The following PHF21A variants were observed in gnomAD, a reference collection of about 807,000 sequenced individuals.
PHF21A encodes the protein BHC80a.
A neutral mutation model predicts 82.5 loss-of-function variants in PHF21A; 11 were observed. The ratio of observed to expected loss-of-function variants is 0.13; its 90% CI spans 0.08 to 0.22. The LOEUF is 0.22. Among genes scored for constraint, PHF21A ranks in the 10% least tolerant of loss-of-function variants. The pLI, the probability that PHF21A is intolerant of heterozygous loss-of-function variation, is 1.00. For synonymous variants in PHF21A, 297 were observed against 302.8 expected (o/e 0.98, Z 0.20); for missense variants, 579 against 837.8 (o/e 0.69, Z 3.81).
At chr11:46,069,841 C>T (rs765697829) in intron 6 of PHF21A, among the ~76,000 whole-genome samples, 2 of 152,128 alleles carry the variant, frequency 1.3e-5, no homozygotes, top group East Asian at 1.9e-4. Flanking sequence ...GTACTTTACA[C>T]GTAAGATGAA....
At chr11:45,951,167 T>C (rs1317701619) in intron 11 of PHF21A, among the ~76,000 whole-genome samples, 1 of 152,264 alleles carries the variant, frequency 6.6e-6, no homozygotes, top group African/African-American at 2.4e-5. Context: ...TACTACTGCA[T>C]GCAGTTTCTA....
At position 45,929,617 on chromosome 11, in the gene PHF21A, G is replaced by A. The variant is rs140358721; in HGVS notation, c.*4351C>T. ...CCTGGGCTGAGGACCCACGGACACC[G>A]GAGAGAGGTGAGGGTCCAAAGGCTG... On this transcript the variant is annotated 3_prime_UTR_variant, in exon 19 of 19. Transcript: ENST00000676320. The A allele has an allele frequency of 4.6e-3, 697 of 152,442 alleles. 4 individuals carry two copies. Among genetic ancestry groups the A allele is most frequent in the Middle Eastern group, 0.044 (13 of 296 alleles). The allele number at this position is 152,442 out of a possible 1,614,324, so 9.4% of individuals were successfully genotyped here.
At chr11:46,006,592 T>C (rs968813056) in intron 6 of PHF21A, among the ~76,000 whole-genome samples, 4 of 152,248 alleles carry the variant, frequency 2.6e-5, no homozygotes, top group African/African-American at 9.6e-5. Flanking sequence ...AGCTAGAGGA[T>C]GAAGTTATGC....
At position 46,068,013 on chromosome 11, in the gene PHF21A, G is replaced by GT. The variant is rs144966202; in HGVS notation, c.153+8740dup. 6.4e-3 allele frequency among the ~76,000 whole-genome samples: 969 copies of GT among 152,242 alleles called. 13 individuals carry two copies. The highest frequency in any genetic ancestry group is 0.022 in the African/African-American group (927 of 41,534). On this transcript the variant is annotated intron_variant, in intron 6 of 18. Coordinates refer to ENST00000676320, the MANE Select transcript of PHF21A (RefSeq NM_001352027.3). ...ACATAGGAATTAATCAGGTAAAAAG[G>GT]TAAGAAAATTCCAGGTGTAGAGAAG... is the stretch of plus-strand genomic sequence containing the variant.
intron 14 of PHF21A, among the ~76,000 whole-genome samples, chr11:45,946,310 T>G (rs2091283392): frequency 6.6e-6 from 1 of 152,188 alleles, no homozygotes; most frequent in Non-Finnish European, 1.5e-5. Flanking sequence ...CCTGGACTAT[T>G]GCAATTTGAG....
At chr11:46,089,885 T>C (rs2096904132) in intron 3 of PHF21A, among the ~76,000 whole-genome samples, 1 of 151,874 alleles carries the variant, frequency 6.6e-6, no homozygotes, top group Non-Finnish European at 1.5e-5. Flanking sequence ...CAGGCTATTA[T>C]GGTGCCTTGG....
intron 10 of PHF21A, among the ~76,000 whole-genome samples, chr11:45,954,360 A>T (rs968284173): frequency 3.3e-5 from 5 of 152,306 alleles, no homozygotes; most frequent in Middle Eastern, 6.8e-3. Context: ...AATGATGTTA[A>T]AAACATCTCA....
chr11:45,956,039 A>C (rs10742774), intron 10 of PHF21A, among the ~76,000 whole-genome samples: 44,848 of 152,208 alleles, frequency 0.29, 7,412 homozygotes, highest in East Asian at 0.76. Flanking sequence ...TGAGCAAAAA[A>C]ACCCCTATCA....
chr11:46,037,133 G>A (rs979366997), intron 6 of PHF21A, among the ~76,000 whole-genome samples: 3 of 151,902 alleles, frequency 2.0e-5, no homozygotes, highest in African/African-American at 7.3e-5. Context: ...CTCATTTTTT[G>A]GTTTTGTTTA....
chr11:46,075,630 CT>C (rs2096716145), intron 6 of PHF21A, among the ~76,000 whole-genome samples: 1 of 152,316 alleles, frequency 6.6e-6, no homozygotes, highest in South Asian at 2.1e-4. Flanking sequence ...AAAATACCTC[CT>C]GTCTGTGGAG....
chr11:45,962,766 G>A (rs1249720258), intron 10 of PHF21A, among the ~76,000 whole-genome samples: 2 of 150,550 alleles, frequency 1.3e-5, no homozygotes, highest in Non-Finnish European at 3.0e-5. Flanking sequence ...GGTGGCAGGC[G>A]CATGTAGTCC....
At chr11:45,959,150 GA>G (rs1591264400) in intron 10 of PHF21A, among the ~76,000 whole-genome samples, 3 of 151,606 alleles carry the variant, frequency 2.0e-5, no homozygotes, top group East Asian at 1.9e-4. Flanking sequence ...AACCAAGGGG[GA>G]AAAAAAACAT....
chr11:46,120,043 C>T (rs555266199), intron 1 of PHF21A, among the ~76,000 whole-genome samples: 216 of 148,870 alleles, frequency 1.5e-3, no homozygotes, highest in Non-Finnish European at 1.2e-3. Flanking sequence ...GGCAGACTCT[C>T]CGGAATAACA....
rs536029043 is a variant in PHF21A at position 45,940,352 on chromosome 11, C to T, written c.1453-2040G>A. ...CTGGGATTACAGGCGCCCACCACCA[C>T]GCCTGACTAACTTTTATATTTTTAG... On this transcript the variant is annotated intron_variant, in intron 15 of 18. Coordinates refer to ENST00000676320, the MANE Select transcript of PHF21A (RefSeq NM_001352027.3). 2.6e-5 allele frequency among the ~76,000 whole-genome samples: 4 copies of T among 152,132 alleles called. No individual in the cohort carries two copies. The South Asian group carries it at 8.3e-4, about 32-fold the overall frequency.
intron 6 of PHF21A, among the ~76,000 whole-genome samples, chr11:46,046,162 T>C (rs1235079720): frequency 6.6e-6 from 1 of 152,194 alleles, no homozygotes; most frequent in East Asian, 1.9e-4. Flanking sequence ...AGAGTGTCCC[T>C]GAGCTTATGC....
intron 7 of PHF21A, among the ~76,000 whole-genome samples, chr11:45,973,819 T>C (rs2093893393): frequency 6.6e-6 from 1 of 152,220 alleles, no homozygotes; most frequent in African/African-American, 2.4e-5. Flanking sequence ...CTATCGTGGA[T>C]TGTGGGAGTA....
chr11:46,008,552 T>C lies in PHF21A; in HGVS notation c.154-28586A>G, dbSNP rs531738445. 3.3e-5 allele frequency among the ~76,000 whole-genome samples: 5 copies of C among 152,224 alleles called. No homozygotes were observed. The East Asian group carries it at 9.7e-4, about 29-fold the overall frequency. ...AAGACGGGAAAAGAGTCTGCTTTGA[T>C]TGGCTGTCAAATTTACCTGTATATC... is the stretch of plus-strand genomic sequence containing the variant. On this transcript the variant is annotated intron_variant, in intron 6 of 18. Coordinates refer to ENST00000676320, the MANE Select transcript of PHF21A (RefSeq NM_001352027.3).
chr11:46,053,818 TTG>T (rs1156665948), intron 6 of PHF21A, among the ~76,000 whole-genome samples: 1 of 152,212 alleles, frequency 6.6e-6, no homozygotes, highest in African/African-American at 2.4e-5. Context: ...AAGTATTTTT[TTG>T]TGACATATTT....
In PHF21A at chr11:46,060,939, T is replaced by G. The variant is rs959001499; in HGVS notation, c.153+15815A>C. 8.5e-5 allele frequency among the ~76,000 whole-genome samples: 13 copies of G among 152,252 alleles called. 1 individual carries two copies. The highest frequency in any genetic ancestry group is 5.9e-4 in the Admixed American group (9 of 15,290). ...GGTTATCTACCAGGGTTTTTATAGT[T>G]TTGGGTTTTACATTTAAGTCTAATC... On this transcript the variant is annotated intron_variant, in intron 6 of 18. Transcript: ENST00000676320.
Sources: gnomAD v4.1 joint callset for allele counts (sites outside exome capture counted in the v4.1 genomes callset) on GRCh38, gnomAD v4.1.1 for gene constraint, MANE v1.5 for transcripts, NCBI Gene and HGNC (gene_info 2026-07-23, HGNC 2026-07-21) for gene names.